Variants in GABBR2 observed in about 807,000 individuals in gnomAD.
GABBR2 encodes the protein G-protein coupled receptor 51.
Under a neutral mutation model 105.6 loss-of-function variants are expected in GABBR2, and 23 were observed. The observed-to-expected ratio is 0.22, with a 90% CI of 0.16 to 0.31. GABBR2 has a LOEUF of 0.31. Among genes scored for constraint, GABBR2 ranks in the 10% least tolerant of loss-of-function variants. GABBR2 has a pLI of 1.00. For synonymous variants in GABBR2, 478 were observed against 499.7 expected (o/e 0.96, Z 0.58); for missense variants, 734 against 1,245.5 (o/e 0.59, Z 6.18).
intron 1 of GABBR2, among the ~76,000 whole-genome samples, chr9:98,600,394 G>A (rs1829312245): frequency 6.6e-6 from 1 of 152,114 alleles, no homozygotes; most frequent in South Asian, 2.1e-4. Context: ...CCTCCCTGAA[G>A]CTCCAGACCA....
intron 2 of GABBR2, among the ~76,000 whole-genome samples, chr9:98,576,054 G>A (rs1021468327): frequency 5.3e-5 from 8 of 152,160 alleles, no homozygotes; most frequent in East Asian, 1.9e-4. Flanking sequence ...GCCCTCGCCC[G>A]GGCCCCACCT....
intron 2 of GABBR2, among the ~76,000 whole-genome samples, chr9:98,555,285 G>A (rs1019163058): frequency 6.6e-6 from 1 of 152,216 alleles, no homozygotes; most frequent in African/African-American, 2.4e-5. Context: ...AAGCCTCAGC[G>A]AAGGAAAGGA....
At chr9:98,423,926 C>T (rs1363979152) in intron 7 of GABBR2, among the ~76,000 whole-genome samples, 3 of 152,116 alleles carry the variant, frequency 2.0e-5, no homozygotes, top group African/African-American at 7.2e-5. Flanking sequence ...AGATATGCGG[C>T]GTTATTTCTG....
rs1219384390 is a variant in GABBR2, at chr9:98,388,070, T to TG, written c.1529+783dup. On this transcript the variant is annotated intron_variant, in intron 10 of 18. Transcript: ENST00000259455. This position sits in a 1 kb window ranked among gnomAD's most constrained non-coding sequence, Gnocchi z 4.4. ...CTTATTCCACAAAAAGGCTTGGGGC[T>TG]GGGTTCAGGGATTTGCTATGGACAC... 6.6e-6 allele frequency among the ~76,000 whole-genome samples: 1 copy of TG among 152,180 alleles called. No individual in the cohort carries two copies. The highest frequency in any genetic ancestry group is 6.5e-5 in the Admixed American group (1 of 15,270).
At chr9:98,680,649 T>C (rs1482904726) in intron 1 of GABBR2, among the ~76,000 whole-genome samples, 1 of 152,158 alleles carries the variant, frequency 6.6e-6, no homozygotes, top group Admixed American at 6.5e-5. Flanking sequence ...GGTTCTAAAG[T>C]TCTAGCATAA....
chr9:98,492,045 G>A (rs1180521045), intron 4 of GABBR2, among the ~76,000 whole-genome samples: 1 of 152,050 alleles, frequency 6.6e-6, no homozygotes, highest in Non-Finnish European at 1.5e-5. Flanking sequence ...GGGATTTAAT[G>A]CTTCAGAGGA....
intron 1 of GABBR2, among the ~76,000 whole-genome samples, chr9:98,648,111 G>A (rs62563761): frequency 0.05 from 2,654 of 52,704 alleles, 86 homozygotes; most frequent in African/African-American, 0.16. Context: ...GTGTGTGTGT[G>A]TGTGTATAGA....
At chr9:98,482,130 T>C (rs55950574) in intron 4 of GABBR2, among the ~76,000 whole-genome samples, 6,457 of 152,318 alleles carry the variant, frequency 0.042, 233 homozygotes, top group East Asian at 0.14. Flanking sequence ...GCCACCTTCC[T>C]GCAGTTCATC....
At chr9:98,546,102 T>G (rs1029699868) in intron 2 of GABBR2, among the ~76,000 whole-genome samples, 1 of 152,224 alleles carries the variant, frequency 6.6e-6, no homozygotes, top group Non-Finnish European at 1.5e-5. Context: ...AAGTGCAGTG[T>G]CTGCTTTTGG....
chr9:98,382,444 G>A (rs899251713), intron 11 of GABBR2, among the ~76,000 whole-genome samples: 13 of 152,156 alleles, frequency 8.5e-5, no homozygotes, highest in African/African-American at 3.1e-4. Context: ...CTCCTGAGTA[G>A]CTGGGACTAC....
intron 13 of GABBR2, among the ~76,000 whole-genome samples, chr9:98,340,202 T>TA (rs1352518375): frequency 4.0e-5 from 6 of 151,746 alleles, no homozygotes; most frequent in Non-Finnish European, 5.9e-5. Context: ...TTTTTTTTGT[T>TA]ACTACAGCAA....
chr9:98,398,230 C>G lies in GABBR2; in HGVS notation c.1298-3975G>C, dbSNP rs12346046. On this transcript the variant is annotated intron_variant, in intron 8 of 18. Transcript: ENST00000259455. ...TTGATTGTTGTTGAAAACACGCACA[C>G]TGAGACACAATGTATAACTCTGGGG... is the stretch of plus-strand genomic sequence containing the variant. Among the ~76,000 whole-genome samples the G allele has an allele frequency of 4.5e-3, 681 of 152,256 alleles. 1 individual carries two copies. Among genetic ancestry groups the G allele is most frequent in the Middle Eastern group, 0.01 (3 of 294 alleles).
chr9:98,431,972 T>C (rs1825820329), intron 7 of GABBR2, among the ~76,000 whole-genome samples: 1 of 151,422 alleles, frequency 6.6e-6, no homozygotes, highest in South Asian at 2.1e-4. Context: ...CTCGGCTCAC[T>C]GCAACCTCTG....
At chr9:98,495,465 T>C (rs1322776738) in intron 4 of GABBR2, among the ~76,000 whole-genome samples, 2 of 152,024 alleles carry the variant, frequency 1.3e-5, no homozygotes, top group Non-Finnish European at 2.9e-5. Flanking sequence ...CTGATGACAC[T>C]GGCACCTGCT....
At chr9:98,509,649 C>A (rs1827595114) in intron 3 of GABBR2, among the ~76,000 whole-genome samples, 1 of 152,020 alleles carries the variant, frequency 6.6e-6, no homozygotes, top group South Asian at 2.1e-4. Flanking sequence ...CCAATGCGAT[C>A]AACTGGAAGA....
At chr9:98,303,708 C>A (rs529298025) in intron 15 of GABBR2, among the ~76,000 whole-genome samples, 11 of 152,348 alleles carry the variant, frequency 7.2e-5, no homozygotes, top group Non-Finnish European at 1.6e-4. Context: ...CCAGGGCCCC[C>A]GAGGCCTCAC....
At chr9:98,425,921 G>A (rs1308115942) in intron 7 of GABBR2, among the ~76,000 whole-genome samples, 3 of 152,200 alleles carry the variant, frequency 2.0e-5, no homozygotes. Flanking sequence ...AGGCAGCGCT[G>A]GAGGATGAGG....
chr9:98,550,655 A>G (rs564772754), intron 2 of GABBR2, among the ~76,000 whole-genome samples: 1 of 152,272 alleles, frequency 6.6e-6, no homozygotes, highest in African/African-American at 2.4e-5. Context: ...TTGGACCTCA[A>G]CGCTGTCTTT....
intron 7 of GABBR2, among the ~76,000 whole-genome samples, chr9:98,449,219 T>G (rs1402572333): frequency 2.0e-5 from 3 of 152,018 alleles, no homozygotes; most frequent in African/African-American, 7.3e-5. Flanking sequence ...TCCTTGGTCT[T>G]TACTCCCCTA....
Sources: allele counts gnomAD v4.1 joint callset (sites outside exome capture counted in the v4.1 genomes callset), GRCh38; gene constraint gnomAD v4.1.1; non-coding constraint Gnocchi (gnomAD v3.1); transcripts MANE v1.5; gene names NCBI Gene and HGNC (gene_info 2026-07-23, HGNC 2026-07-21).